The following TMEM135 variants were observed in gnomAD, a reference collection of about 807,000 sequenced individuals.
TMEM135 encodes transmembrane protein 135.
In TMEM135, 30 loss-of-function variants were observed where a neutral mutation model predicts 60.3. That is an observed-to-expected ratio of 0.50 (90% confidence interval 0.37 to 0.68). The LOEUF is 0.68. Among genes scored for constraint, TMEM135 ranks in the 30% least tolerant of loss-of-function variants. The probability of loss-of-function intolerance (pLI) is 0.00; values close to 1 mark genes in which losing one functional copy is unlikely to be tolerated. For missense variants in TMEM135, 468 were observed against 548.8 expected, an observed-to-expected ratio of 0.85 and a Z score of 1.47; for synonymous variants, 190 against 186.7, an observed-to-expected ratio of 1.02 and a Z score of -0.14.
intron 5 of TMEM135, among the ~76,000 whole-genome samples, chr11:87,166,754 G>T (rs1390613874): frequency 7.9e-6 from 1 of 127,138 alleles, no homozygotes; most frequent in Non-Finnish European, 1.6e-5. Flanking sequence ...CTCCAGTTTT[G>T]TTCTTTTTGC....
intron 6 of TMEM135, among the ~76,000 whole-genome samples, chr11:87,251,633 A>T (rs750883587): frequency 2.0e-5 from 3 of 152,046 alleles, no homozygotes; most frequent in Non-Finnish European, 2.9e-5. Context: ...ATATATATGT[A>T]TATAAATTTC....
At chr11:87,120,116 CTT>C (rs57519689) in intron 4 of TMEM135, among the ~76,000 whole-genome samples, 8 of 112,824 alleles carry the variant, frequency 7.1e-5, no homozygotes, top group Non-Finnish European at 1.3e-4. Flanking sequence ...TCTTCTTCTT[CTT>C]TTTTTTTTTT....
At chr11:87,130,406 G>A (rs1246705286) in intron 4 of TMEM135, among the ~76,000 whole-genome samples, 3 of 152,102 alleles carry the variant, frequency 2.0e-5, no homozygotes, top group Non-Finnish European at 4.4e-5. Context: ...CTGGAAGTTA[G>A]GACATACCTC....
chr11:87,232,267 T>C (rs1940906231), intron 5 of TMEM135, among the ~76,000 whole-genome samples: 1 of 152,068 alleles, frequency 6.6e-6, no homozygotes, highest in Admixed American at 6.6e-5. Context: ...TTGTTTTTTC[T>C]TTTTTAATCA....
chr11:87,301,024 C>T (rs1041606642), intron 7 of TMEM135, among the ~76,000 whole-genome samples: 4 of 152,184 alleles, frequency 2.6e-5, no homozygotes, highest in Non-Finnish European at 5.9e-5. Flanking sequence ...ATCTTAAACT[C>T]TCTATGTACA....
At chr11:87,078,217 A>G (rs1216872095) in intron 3 of TMEM135, among the ~76,000 whole-genome samples, 1 of 152,164 alleles carries the variant, frequency 6.6e-6, no homozygotes, top group South Asian at 2.1e-4. Context: ...AAAGGGTCCA[A>G]TTTCTTCGCA....
In TMEM135 at chr11:87,191,476, C is replaced by T. The variant is rs560574984; in HGVS notation, c.462+34070C>T. Among the ~76,000 whole-genome samples the T allele has an allele frequency of 9.3e-4, 142 of 152,162 alleles. 1 individual carries two copies. The highest frequency in any genetic ancestry group is 6.8e-3 in the Middle Eastern group (2 of 294). On this transcript the variant is annotated intron_variant, in intron 5 of 14. Coordinates refer to ENST00000305494, the MANE Select transcript of TMEM135 (RefSeq NM_022918.4). ...CAGGATGGTTTCGATCTCTTGACCT[C>T]GTGATCTGCCTGCCTCGGCCTCCCA...
chr11:87,157,842 C>G (rs973860815), intron 5 of TMEM135: 2 of 157,246 alleles, frequency 1.3e-5, no homozygotes, highest in African/African-American at 4.8e-5. Context: ...GAGAAAAAAG[C>G]TGGAGAGGAT....
At chr11:87,226,855 C>T (rs1438027997) in intron 5 of TMEM135, among the ~76,000 whole-genome samples, 2 of 152,042 alleles carry the variant, frequency 1.3e-5, no homozygotes, top group Non-Finnish European at 2.9e-5. Flanking sequence ...GACCAGCCTG[C>T]CTGGCCAACA....
intron 4 of TMEM135, among the ~76,000 whole-genome samples, chr11:87,135,518 C>T (rs118161780): frequency 0.027 from 3,084 of 114,588 alleles, 40 homozygotes; most frequent in South Asian, 0.044. Flanking sequence ...AACGGAATTA[C>T]GTTTGCACTA....
At chr11:87,124,042 T>C in intron 4 of TMEM135, among the ~76,000 whole-genome samples, 1 of 152,250 alleles carries the variant, frequency 6.6e-6, no homozygotes, top group South Asian at 2.1e-4. Flanking sequence ...CTGTGTGTAA[T>C]GACTTAACAT....
intron 1 of TMEM135, among the ~76,000 whole-genome samples, chr11:87,061,932 A>C (rs1949950933): frequency 6.6e-6 from 1 of 151,916 alleles, no homozygotes; most frequent in South Asian, 2.1e-4. Flanking sequence ...CGTTTAATCA[A>C]CTCTGCTTAT....
chr11:87,169,691 C>T (rs1200218987), intron 5 of TMEM135, among the ~76,000 whole-genome samples: 5 of 152,100 alleles, frequency 3.3e-5, no homozygotes, highest in African/African-American at 4.8e-5. Flanking sequence ...GATGGACTTC[C>T]CGTTGTGGGT....
chr11:87,210,739 A>G (rs1485670902), intron 5 of TMEM135, among the ~76,000 whole-genome samples: 2 of 152,158 alleles, frequency 1.3e-5, no homozygotes, highest in Non-Finnish European at 2.9e-5. Context: ...ATATAGATGC[A>G]AAAATCCTCA....
At chr11:87,157,659 T>C in intron 5 of TMEM135, 1 of 374,828 alleles carries the variant, frequency 2.7e-6, no homozygotes, top group Non-Finnish European at 4.7e-6. Flanking sequence ...AAAATGACAT[T>C]TTATTAGTAA....
intron 5 of TMEM135, among the ~76,000 whole-genome samples, chr11:87,172,342 A>G (rs1939259782): frequency 6.6e-6 from 1 of 152,166 alleles, no homozygotes; most frequent in African/African-American, 2.4e-5. Context: ...AAGAAATTTA[A>G]AGTATATTTA....
At chr11:87,091,202 A>G (rs753777436) in intron 3 of TMEM135, among the ~76,000 whole-genome samples, 160 bp from the exon 4 acceptor site, 1 of 152,232 alleles carries the variant, frequency 6.6e-6, no homozygotes, top group Admixed American at 6.5e-5. Flanking sequence ...AATTTAGGTC[A>G]GAGAGAAATT....
At chr11:87,274,298 T>C (rs1941927415) in intron 6 of TMEM135, among the ~76,000 whole-genome samples, 1 of 152,180 alleles carries the variant, frequency 6.6e-6, no homozygotes, top group Non-Finnish European at 1.5e-5. Flanking sequence ...AATCTGTGAA[T>C]TATGCCATGA....
In TMEM135 at chr11:87,325,142, G is replaced by T. The variant is rs1468498191; in HGVS notation, c.*3809G>T. 1 of 453,806 alleles carries T rather than the reference G, an allele frequency of 2.2e-6. No homozygotes were observed. Among genetic ancestry groups the T allele is most frequent in the Non-Finnish European group, 4.4e-6 (1 of 226,760 alleles). The allele number at this position is 453,806 out of a possible 1,614,324, so 28.1% of individuals were successfully genotyped here. On this transcript the variant is annotated 3_prime_UTR_variant, in exon 15 of 15. Transcript: ENST00000305494. Reference sequence around the variant, plus strand: ...GGACTGAGATGACCCTCAGATTGGGGGGCTGTCTTAGATTCTAGGGCTTTG... The same window carrying T: ...GGACTGAGATGACCCTCAGATTGGGTGGCTGTCTTAGATTCTAGGGCTTTG...
Sources: allele counts gnomAD v4.1 joint callset (sites outside exome capture counted in the v4.1 genomes callset), GRCh38; gene constraint gnomAD v4.1.1; transcripts MANE v1.5; gene names NCBI Gene and HGNC (gene_info 2026-07-23, HGNC 2026-07-21).